UGT1A6: variants seen among roughly 807,000 people sequenced by gnomAD.
The protein encoded by UGT1A6 is UDP glucuronosyltransferase family 1 member A6, also known as UDP-glucuronosyltransferase 1A6.
A neutral mutation model predicts 44.4 loss-of-function variants in UGT1A6; 32 were observed. The observed-to-expected ratio is 0.72, with a 90% CI of 0.54 to 0.97. The LOEUF (loss-of-function observed/expected upper bound fraction) is 0.97. Among genes scored for constraint, UGT1A6 ranks in the 50% least tolerant of loss-of-function variants. The probability of loss-of-function intolerance (pLI) is 0.00; values close to 1 mark genes in which losing one functional copy is unlikely to be tolerated. For synonymous variants in UGT1A6, 238 were observed against 248.5 expected (o/e 0.96, Z 0.40); for missense variants, 685 against 661.9 (o/e 1.03, Z -0.38).
chr2:233,713,283 C>T (rs764319623), intron 1 of UGT1A6: 1 of 1,614,222 alleles, frequency 6.2e-7, no homozygotes, highest in Non-Finnish European at 8.5e-7. Flanking sequence ...GGGTCACACT[C>T]AATCGTTCTT....
At position 233,769,774 on chromosome 2, in the gene UGT1A6, G is replaced by C; in HGVS notation, c.1301+1335G>C. The C allele has an allele frequency of 7.3e-7, 1 of 1,375,358 alleles. No homozygotes were observed. Among genetic ancestry groups the C allele is most frequent in the Non-Finnish European group, 9.5e-7 (1 of 1,052,824 alleles). 85.2% of individuals were successfully genotyped at this position (1,375,358 alleles called of 1,614,324 possible). ...GGAGGCTAAGGCGGGAGGATTGCTT[G>C]AGCCCAGAAGTTGGAGGCTGCTATG... On this transcript the variant is annotated intron_variant, in intron 4 of 4. Transcript: ENST00000305139. This position sits in a 1 kb window ranked among gnomAD's most constrained non-coding sequence, Gnocchi z 4.4.
Position 233,760,789 on chromosome 2 carries a change from A to G in UGT1A6, c.862-6245A>G, listed in dbSNP as rs756010756. 3.7e-6 allele frequency: 6 copies of G among 1,613,282 alleles called. No homozygotes were observed. In the African/African-American group the frequency reaches 6.7e-5, roughly 18 times the overall value. On this transcript the variant is annotated intron_variant, in intron 1 of 4. Coordinates refer to ENST00000305139, the MANE Select transcript of UGT1A6 (RefSeq NM_001072.4). Reference sequence around the variant, plus strand: ...CGTGGCCCAGTACCTGTCTCTGCCCACTGTATTCTTCTTGCATGCACTGCC... The same window carrying G: ...CGTGGCCCAGTACCTGTCTCTGCCCGCTGTATTCTTCTTGCATGCACTGCC...
chr2:233,715,422 G>A (rs1232475756), intron 1 of UGT1A6, among the ~76,000 whole-genome samples: 1 of 152,116 alleles, frequency 6.6e-6, no homozygotes, highest in Admixed American at 6.5e-5. Flanking sequence ...CATTTTATCT[G>A]ATATCAGTAA....
intron 1 of UGT1A6, among the ~76,000 whole-genome samples, chr2:233,731,393 G>C (rs558248956): frequency 2.0e-5 from 3 of 151,372 alleles, no homozygotes; most frequent in Admixed American, 1.3e-4. Flanking sequence ...CCACCAACTC[G>C]TCATTTACAT....
intron 1 of UGT1A6, among the ~76,000 whole-genome samples, chr2:233,732,921 ATTGATTCTTCC>A (rs2078336368): frequency 6.6e-6 from 1 of 151,962 alleles, no homozygotes; most frequent in African/African-American, 2.4e-5. Flanking sequence ...TTTTCACGAT[ATTGATTCTTCC>A]TATCCATGAG....
chr2:233,747,352 C>T (rs1016140254), intron 1 of UGT1A6: 87 of 1,602,584 alleles, frequency 5.4e-5, no homozygotes, highest in Admixed American at 8.4e-5. Flanking sequence ...ATGCGGGAGG[C>T]CGTGCGGGAG....
intron 1 of UGT1A6, chr2:233,708,307 C>G (rs907085580): frequency 7.9e-5 from 12 of 152,182 alleles, no homozygotes; most frequent in African/African-American, 2.9e-4. Context: ...TTTGACAATC[C>G]AATAGGTAAA....
chr2:233,760,189 G>A lies in UGT1A6; in HGVS notation c.862-6845G>A, dbSNP rs774584406. On this transcript the variant is annotated intron_variant, in intron 1 of 4. Transcript: ENST00000305139. ...TGGACTGACAGCTTTTTATAGTCACGTGACACAGTCAAACATTAACTTGGT... is the reference window on the plus strand; with the variant it reads ...TGGACTGACAGCTTTTTATAGTCACATGACACAGTCAAACATTAACTTGGT... 2.2e-5 allele frequency: 35 copies of A among 1,566,148 alleles called. No individual in the cohort carries two copies. In the South Asian group the frequency reaches 3.1e-4, roughly 14 times the overall value.
At chr2:233,743,484 G>T (rs773869804) in intron 1 of UGT1A6, 2 of 1,367,080 alleles carry the variant, frequency 1.5e-6, no homozygotes, top group Non-Finnish European at 2.0e-6. Flanking sequence ...GAAATTCACT[G>T]AAGGCAGAGA....
chr2:233,693,904 C>T (rs749571075), intron 1 of UGT1A6, 39 bp downstream of exon 1: 22 of 1,613,158 alleles, frequency 1.4e-5, no homozygotes, highest in Admixed American at 6.7e-5. Context: ...CTTGTTTCTT[C>T]CAGGCTCTGT....
intron 1 of UGT1A6, among the ~76,000 whole-genome samples, chr2:233,709,629 A>G (rs2076085542): frequency 6.6e-6 from 1 of 152,194 alleles, no homozygotes; most frequent in South Asian, 2.1e-4. Context: ...TTTTGCTGTG[A>G]GTGTTTCTTG....
intron 1 of UGT1A6, chr2:233,713,779 T>G: frequency 6.2e-7 from 1 of 1,614,034 alleles, no homozygotes; most frequent in Non-Finnish European, 8.5e-7. Flanking sequence ...GACTTTGTGA[T>G]GGATTACCCC....
chr2:233,707,715 G>T (rs1206424873), intron 1 of UGT1A6, among the ~76,000 whole-genome samples: 1 of 152,082 alleles, frequency 6.6e-6, no homozygotes, highest in Non-Finnish European at 1.5e-5. Context: ...TCACTACTGT[G>T]AACAATGTTA....
chr2:233,732,689 A>G (rs539580267), intron 1 of UGT1A6, among the ~76,000 whole-genome samples: 1 of 150,444 alleles, frequency 6.6e-6, no homozygotes, highest in African/African-American at 2.4e-5. Context: ...ACCAGCACCC[A>G]TGCTGTTTTG....
chr2:233,719,070 T>C lies in UGT1A6; in HGVS notation c.861+25205T>C, dbSNP rs144655870. On this transcript the variant is annotated intron_variant, in intron 1 of 4. Coordinates refer to ENST00000305139, the MANE Select transcript of UGT1A6 (RefSeq NM_001072.4). The stretch of plus-strand genomic sequence containing the variant: ...CACCCTGACAGCCTATGCTGTTCCA[T>C]GGACCCAGAAGGAATTTGATCGCGT... The C allele has an allele frequency of 4.3e-6, 7 of 1,614,166 alleles. No individual in the cohort carries two copies. In the African/African-American group the frequency reaches 6.7e-5, roughly 15 times the overall value.
At chr2:233,695,565 C>A (rs189186940) in intron 1 of UGT1A6, among the ~76,000 whole-genome samples, 60 of 151,312 alleles carry the variant, frequency 4.0e-4, no homozygotes, top group African/African-American at 1.4e-3. Flanking sequence ...ACCATTTTCA[C>A]CCCCCCTTCC....
intron 1 of UGT1A6, among the ~76,000 whole-genome samples, chr2:233,751,411 T>C (rs1183802209): frequency 1.3e-5 from 2 of 152,166 alleles, no homozygotes; most frequent in Admixed American, 6.5e-5. Flanking sequence ...ACTATGGACT[T>C]TTGAGCTAGT....
At chr2:233,754,970 G>T (rs1695665422) in intron 1 of UGT1A6, 1 of 1,301,498 alleles carries the variant, frequency 7.7e-7, no homozygotes, top group Non-Finnish European at 1.0e-6. Context: ...AGAACTCCCT[G>T]AAGACCTCGG....
rs1449126487 is a variant in UGT1A6, at chr2:233,713,999, G to T, written c.861+20134G>T. The T allele has an allele frequency of 1.2e-5, 18 of 1,554,686 alleles. No homozygotes were observed. In the East Asian group the frequency reaches 2.8e-4, roughly 24 times the overall value. ...TCTCATTGTTGTAATAGTCTTCAGT[G>T]AGATAAACTTTTAAAGGGTCAATGG... On this transcript the variant is annotated intron_variant, in intron 1 of 4. Transcript: ENST00000305139.
Sources: allele counts gnomAD v4.1 joint callset (sites outside exome capture counted in the v4.1 genomes callset), GRCh38; gene constraint gnomAD v4.1.1; non-coding constraint Gnocchi (gnomAD v3.1); transcripts MANE v1.5; gene names NCBI Gene and HGNC (gene_info 2026-07-23, HGNC 2026-07-21).